DCDC1: variants seen among roughly 807,000 people sequenced by gnomAD.
The protein encoded by DCDC1 is doublecortin domain containing 1.
A neutral mutation model predicts 178.3 loss-of-function variants in DCDC1; 200 were observed. The ratio of observed to expected loss-of-function variants is 1.12; its 90% CI spans 1.00 to 1.26. The LOEUF (loss-of-function observed/expected upper bound fraction) is 1.26, where lower values mean the gene tolerates loss of function less well. DCDC1 is among the 50% of genes most tolerant of loss of function. DCDC1 has a pLI of 0.00. For synonymous variants in DCDC1, 690 were observed against 604.8 expected (o/e 1.14, Z -2.07); for missense variants, 1,983 against 1,749.2 (o/e 1.13, Z -2.38).
chr11:31,104,107 T>C (rs776296778), intron 13 of DCDC1, among the ~76,000 whole-genome samples: 4 of 152,200 alleles, frequency 2.6e-5, no homozygotes, highest in East Asian at 1.9e-4. Flanking sequence ...AATACATCTA[T>C]AGTAATCTTG....
chr11:31,011,472 C>G (rs140241722), intron 20 of DCDC1, among the ~76,000 whole-genome samples: 624 of 152,108 alleles, frequency 4.1e-3, no homozygotes, highest in Non-Finnish European at 7.5e-3. Flanking sequence ...TGCAATTCAC[C>G]AAAAAGGAAG....
intron 9 of DCDC1, among the ~76,000 whole-genome samples, chr11:31,196,260 G>A (rs527987240): frequency 3.3e-5 from 5 of 152,024 alleles, no homozygotes; most frequent in East Asian, 1.9e-4. Flanking sequence ...GACAGCAAAC[G>A]TGGTGGTTTT....
At chr11:31,050,379 C>T (rs527340320) in intron 20 of DCDC1, among the ~76,000 whole-genome samples, 17 of 152,284 alleles carry the variant, frequency 1.1e-4, no homozygotes, top group Admixed American at 7.2e-4. Context: ...AGCTCAGACA[C>T]GCCTACCCCT....
chr11:31,024,783 C>A (rs1402525793), intron 20 of DCDC1, among the ~76,000 whole-genome samples: 1 of 151,826 alleles, frequency 6.6e-6, no homozygotes, highest in African/African-American at 2.4e-5. Context: ...ATAGCATAAG[C>A]AAGTTCCCAT....
intron 1 of DCDC1, among the ~76,000 whole-genome samples, chr11:31,345,221 A>C (rs996340277): frequency 6.6e-6 from 1 of 152,228 alleles, no homozygotes; most frequent in Non-Finnish European, 1.5e-5. Flanking sequence ...AGAGTAGCCT[A>C]TAAAAAACTT....
At chr11:30,902,961 T>C (rs898356489) in intron 32 of DCDC1, among the ~76,000 whole-genome samples, 4 of 152,028 alleles carry the variant, frequency 2.6e-5, no homozygotes, top group Non-Finnish European at 5.9e-5. Flanking sequence ...ATGCAATAGA[T>C]GGATATTGAC....
At chr11:31,231,183 G>A (rs1340835560) in intron 9 of DCDC1, among the ~76,000 whole-genome samples, 8 of 151,980 alleles carry the variant, frequency 5.3e-5, no homozygotes, top group East Asian at 3.9e-4. Flanking sequence ...GGATGGTCCC[G>A]AAATCCTGGG....
intron 10 of DCDC1, among the ~76,000 whole-genome samples, chr11:31,133,103 T>C (rs1962657438): frequency 6.6e-6 from 1 of 152,226 alleles, no homozygotes; most frequent in Admixed American, 6.5e-5. Flanking sequence ...AGCAGACATG[T>C]TGAAGCTATG....
chr11:31,062,469 T>C (rs1955987081), intron 20 of DCDC1, among the ~76,000 whole-genome samples: 1 of 152,098 alleles, frequency 6.6e-6, no homozygotes. Flanking sequence ...GTGGTCCTAT[T>C]GTAGATGGAG....
At chr11:31,099,371 C>G (rs1958352154) in intron 15 of DCDC1, among the ~76,000 whole-genome samples, 1 of 152,154 alleles carries the variant, frequency 6.6e-6, no homozygotes, top group South Asian at 2.1e-4. Flanking sequence ...TGCCTCTGTT[C>G]AAATATTTTC....
rs778173822 is a variant in DCDC1, at chr11:31,307,657, G to A, written c.416C>T (p.Ala139Val). 6.8e-6 allele frequency: 11 copies of A among 1,613,986 alleles called. No homozygotes were observed. Among genetic ancestry groups the A allele is most frequent in the Non-Finnish European group, 9.3e-6 (11 of 1,179,934 alleles). The change falls in exon 4 of 39, where the codon GCT becomes GTT. Residue 139 changes from alanine (A) to valine (V), a missense_variant. Coordinates refer to ENST00000684477, the MANE Select transcript of DCDC1 (RefSeq NM_001387274.1). The part of the protein sequence containing the change: ...SASKRNRPVS[A>V]PVGQLRVAEF... Reference sequence around the variant, plus strand: ...TGATTACCTCAGTTGACCCACTGGAGCACTGACAGGTCTGTTTCTCTTGGA... The same window carrying A: ...TGATTACCTCAGTTGACCCACTGGAACACTGACAGGTCTGTTTCTCTTGGA...
intron 3 of DCDC1, among the ~76,000 whole-genome samples, chr11:31,326,491 A>G (rs1313900375): frequency 6.6e-6 from 1 of 152,232 alleles, no homozygotes; most frequent in Non-Finnish European, 1.5e-5. Context: ...ATGTGTAAGT[A>G]CACATTATAT....
intron 21 of DCDC1, among the ~76,000 whole-genome samples, chr11:30,932,316 T>TG (rs1455183505): frequency 6.6e-6 from 1 of 152,096 alleles, no homozygotes; most frequent in Non-Finnish European, 1.5e-5. Flanking sequence ...TAAAATAGCC[T>TG]GAAATAATAC....
chr11:31,300,907 T>A lies in DCDC1; in HGVS notation c.754+4708A>T, dbSNP rs77230571. On this transcript the variant is annotated intron_variant, in intron 6 of 38. Transcript: ENST00000684477. The stretch of plus-strand genomic sequence containing the variant: ...TTTATGGTTATGTCAAGAATTTAGG[T>A]GTTTTTCAATGATTTGGTATTTGAC... Among the ~76,000 whole-genome samples the A allele has an allele frequency of 1.5e-3, 224 of 152,320 alleles. 7 individuals are homozygous for A. The East Asian group carries it at 0.025, about 17-fold the overall frequency.
In DCDC1 at chr11:31,067,765, T is replaced by C. The variant is rs1017213949; in HGVS notation, c.2299-2612A>G. ...ACCTGAATTAACTCAGAAAACATTA[T>C]GCTAAGTGAAAAAAATCAATCACAG... On this transcript the variant is annotated intron_variant, in intron 18 of 38. Transcript: ENST00000684477. 1.6e-4 allele frequency among the ~76,000 whole-genome samples: 24 copies of C among 152,228 alleles called. No individual in the cohort carries two copies. In the East Asian group the frequency reaches 3.9e-3, roughly 24 times the overall value.
intron 18 of DCDC1, among the ~76,000 whole-genome samples, chr11:31,067,839 C>A (rs910973523): frequency 1.3e-5 from 2 of 151,900 alleles, no homozygotes; most frequent in African/African-American, 4.8e-5. Flanking sequence ...CCAGAATGGG[C>A]AAATCTATAA....
chr11:31,248,425 C>T (rs1177100478), intron 8 of DCDC1, among the ~76,000 whole-genome samples: 1 of 152,032 alleles, frequency 6.6e-6, no homozygotes, highest in Non-Finnish European at 1.5e-5. Flanking sequence ...TCCACTGTTA[C>T]ATTGTACAGT....
intron 9 of DCDC1, among the ~76,000 whole-genome samples, chr11:31,167,125 T>A (rs1966842552): frequency 6.6e-6 from 1 of 152,142 alleles, no homozygotes; most frequent in African/African-American, 2.4e-5. Context: ...CAACTATATT[T>A]CACTCAATTC....
At position 30,900,443 on chromosome 11, in the gene DCDC1, A is replaced by G. The variant is rs545319456; in HGVS notation, c.4566T>C (p.Asp1522=). 7.7e-6 allele frequency: 12 copies of G among 1,561,190 alleles called. 1 individual carries two copies. The highest frequency in any genetic ancestry group is 6.8e-5 in the African/African-American group (5 of 73,708). The change falls in exon 33 of 39, where the codon GAT becomes GAC. Residue 1522 remains aspartate (D), a synonymous_variant. Coordinates refer to ENST00000684477, the MANE Select transcript of DCDC1 (RefSeq NM_001387274.1). ...AAGACTTGTCTATACCATCCAAACT[A>G]TCGGATGTCACAGATTTTGCAAATA... is the stretch of plus-strand genomic sequence containing the variant. ...NRLFAKSVTS[D]SLDGIDKSLL...
Sources: allele counts gnomAD v4.1 joint callset (sites outside exome capture counted in the v4.1 genomes callset), GRCh38; gene constraint gnomAD v4.1.1; transcripts MANE v1.5; gene names NCBI Gene and HGNC (gene_info 2026-07-23, HGNC 2026-07-21).